OSBPL2: variants seen among roughly 807,000 people sequenced by gnomAD.
The protein encoded by OSBPL2 is oxysterol binding protein like 2.
A neutral mutation model predicts 58.4 loss-of-function variants in OSBPL2; 18 were observed. The ratio of observed to expected loss-of-function variants is 0.31; its 90% CI spans 0.21 to 0.46. The LOEUF (loss-of-function observed/expected upper bound fraction) is 0.46, where lower values mean the gene tolerates loss of function less well. Among genes scored for constraint, OSBPL2 ranks in the 20% least tolerant of loss-of-function variants. The pLI, the probability that OSBPL2 is intolerant of heterozygous loss-of-function variation, is 1.00. For missense variants in OSBPL2, 461 were observed against 616.5 expected, an observed-to-expected ratio of 0.75 and a Z score of 2.67; for synonymous variants, 221 against 234.1, an observed-to-expected ratio of 0.94 and a Z score of 0.51.
chr20:62,280,572 G>GC (rs1276156080), intron 7 of OSBPL2, among the ~76,000 whole-genome samples: 8 of 152,244 alleles, frequency 5.3e-5, no homozygotes, highest in Non-Finnish European at 7.3e-5. Context: ...CTGATCTGCT[G>GC]CCTCACATTG....
chr20:62,281,429 G>C (rs944234690), intron 8 of OSBPL2: 3 of 522,478 alleles, frequency 5.7e-6, no homozygotes, highest in African/African-American at 1.9e-5. Context: ...GTCATTGCCA[G>C]GTGCAGCGCA....
rs935906863 is a variant in OSBPL2, at chr20:62,284,722, C to T, written c.996+553C>T. The T allele has an allele frequency of 2.0e-5, 3 of 152,752 alleles. No homozygotes were observed. The East Asian group carries it at 5.8e-4, about 29-fold the overall frequency. 9.5% of individuals were successfully genotyped at this position (152,752 alleles called of 1,614,324 possible). A position where few individuals can be genotyped will look rare whatever the true frequency, so the allele number is the denominator to read the frequency against. ...TTGCACGGAGGCTGCTGCTATAAAC[C>T]GTGGGCACCAGTGCCCACGAGTCAT... is the stretch of plus-strand genomic sequence containing the variant. On this transcript the variant is annotated intron_variant, in intron 10 of 13. Coordinates refer to ENST00000313733, the MANE Select transcript of OSBPL2 (RefSeq NM_144498.4).
At chr20:62,240,714 G>A (rs774716266) in intron 1 of OSBPL2, among the ~76,000 whole-genome samples, 3 of 152,150 alleles carry the variant, frequency 2.0e-5, no homozygotes, top group Non-Finnish European at 4.4e-5. Context: ...TCAGAATTTC[G>A]GGATTTTGCT....
chr20:62,295,585 A>G lies in OSBPL2; in HGVS notation c.*1698A>G, dbSNP rs902662791. ...CTATGAGCTCCGTACCAGCCACTCAAAAGTGTCTGAACAGAACCGCTCCGT... is the reference window on the plus strand; with the variant it reads ...CTATGAGCTCCGTACCAGCCACTCAGAAGTGTCTGAACAGAACCGCTCCGT... On this transcript the variant is annotated 3_prime_UTR_variant, in exon 14 of 14. Transcript: ENST00000313733. This position sits in a 1 kb window ranked among gnomAD's most constrained non-coding sequence, Gnocchi z 4.8. The G allele has an allele frequency of 1.8e-4, 27 of 152,262 alleles. No individual in the cohort carries two copies. Among genetic ancestry groups the G allele is most frequent in the African/African-American group, 5.5e-4 (23 of 41,542 alleles). 9.4% of individuals were successfully genotyped at this position (152,262 alleles called of 1,614,324 possible).
At chr20:62,266,005 C>A (rs1013403078) in intron 4 of OSBPL2, among the ~76,000 whole-genome samples, 2 of 152,126 alleles carry the variant, frequency 1.3e-5, no homozygotes, top group African/African-American at 2.4e-5. Context: ...TGTCTGTCAT[C>A]CAGTTACTGG....
intron 2 of OSBPL2, among the ~76,000 whole-genome samples, chr20:62,259,482 C>G (rs1260106950): frequency 6.6e-6 from 1 of 152,172 alleles, no homozygotes; most frequent in Non-Finnish European, 1.5e-5. Context: ...TGTTCCCTAT[C>G]TGGGTACAGT....
intron 4 of OSBPL2, among the ~76,000 whole-genome samples, chr20:62,268,153 T>G (rs1412198777): frequency 6.8e-6 from 1 of 148,036 alleles, no homozygotes; most frequent in Non-Finnish European, 1.5e-5. Context: ...CACCTCGGCC[T>G]CCCAAAGTGT....
Position 62,261,351 on chromosome 20 carries a change from A to G in OSBPL2, c.182+1226A>G, listed in dbSNP as rs139435657. 4.5e-3 allele frequency among the ~76,000 whole-genome samples: 673 copies of G among 149,186 alleles called. 3 individuals carry two copies. The highest frequency in any genetic ancestry group is 0.011 in the Middle Eastern group (3 of 276). ...AAAAAAAAAAAGGCACAAAGGCAGG[A>G]CAAGTGTCAGGTGGGACAGGCAGTG... On this transcript the variant is annotated intron_variant, in intron 3 of 13. Coordinates refer to ENST00000313733, the MANE Select transcript of OSBPL2 (RefSeq NM_144498.4).
rs1296130388 is a variant in OSBPL2, at chr20:62,294,689, C to T, written c.*802C>T. 1 of 152,252 alleles carries T rather than the reference C, an allele frequency of 6.6e-6. No homozygotes were observed. Among genetic ancestry groups the T allele is most frequent in the Non-Finnish European group, 1.5e-5 (1 of 68,042 alleles). 9.4% of individuals were successfully genotyped at this position (152,252 alleles called of 1,614,324 possible). ...CCTGTTGTCAGTGAGGCCTGGCTGTCACCGCACACCGCGTCCGTGTCTCCA... is the reference window on the plus strand; with the variant it reads ...CCTGTTGTCAGTGAGGCCTGGCTGTTACCGCACACCGCGTCCGTGTCTCCA... On this transcript the variant is annotated 3_prime_UTR_variant, in exon 14 of 14. Coordinates refer to ENST00000313733, the MANE Select transcript of OSBPL2 (RefSeq NM_144498.4).
At chr20:62,281,760 A>G (rs1304257653) in intron 8 of OSBPL2, 30 bp from the exon 9 acceptor site, 1 of 1,530,962 alleles carries the variant, frequency 6.5e-7, no homozygotes, top group Non-Finnish European at 9.0e-7. Flanking sequence ...GCTGTCTTGC[A>G]GCAGAAACCT....
At chr20:62,281,742 G>C in intron 8 of OSBPL2, 48 bp from the exon 9 acceptor site, 1 of 1,424,390 alleles carries the variant, frequency 7.0e-7, no homozygotes, top group Non-Finnish European at 9.9e-7. Context: ...TACCCTTTCC[G>C]GCTGTTTGCT....
rs1443109641 is a variant in OSBPL2 at position 62,288,286 on chromosome 20, C to T, written c.1126-921C>T. ...GCTTGCTGAGATGCTGTGAGGGCAG[C>T]AACAGAAGAGGGAGGACACGGGTGG... On this transcript the variant is annotated intron_variant, in intron 11 of 13. Coordinates refer to ENST00000313733, the MANE Select transcript of OSBPL2 (RefSeq NM_144498.4). The surrounding 1 kb of genome is among the most constrained non-coding windows in gnomAD (Gnocchi z 4.8). Among the ~76,000 whole-genome samples the T allele has an allele frequency of 1.3e-5, 2 of 152,132 alleles. No individual in the cohort carries two copies. Among genetic ancestry groups the T allele is most frequent in the African/African-American group, 2.4e-5 (1 of 41,408 alleles).
At chr20:62,279,585 G>A in intron 7 of OSBPL2, 1 of 547,360 alleles carries the variant, frequency 1.8e-6, no homozygotes, top group East Asian at 3.1e-5. Context: ...TGTATGACCA[G>A]GGTCCCATGT....
chr20:62,267,279 T>A (rs947407895), intron 4 of OSBPL2, among the ~76,000 whole-genome samples: 1 of 152,222 alleles, frequency 6.6e-6, no homozygotes, highest in Non-Finnish European at 1.5e-5. Flanking sequence ...GCTCAGAGTC[T>A]GGGTCCACTA....
intron 9 of OSBPL2, 36 bp from the exon 10 acceptor site, chr20:62,284,010 C>G: frequency 6.3e-7 from 1 of 1,597,394 alleles, no homozygotes; most frequent in Non-Finnish European, 8.6e-7. Flanking sequence ...TTTGTAATGA[C>G]TAAGACTTGT....
In OSBPL2 at chr20:62,279,225, C is replaced by G; in HGVS notation, c.560C>G (p.Ser187Trp). The G allele has an allele frequency of 6.2e-7, 1 of 1,614,196 alleles. No homozygotes were observed. Among genetic ancestry groups the G allele is most frequent in the Non-Finnish European group, 8.5e-7 (1 of 1,179,990 alleles). ...SHHPPISAFH[S>W]EGLNHDFLFH... The stretch of plus-strand genomic sequence containing the variant: ...CACCCCCCCATCAGTGCGTTCCACT[C>G]GGAAGGTCTCAACCATGACTTCCTG... Residue 187 changes from serine to tryptophan, a missense_variant, in exon 7 of 14, where the codon TCG becomes TGG. Coordinates refer to ENST00000313733, the MANE Select transcript of OSBPL2 (RefSeq NM_144498.4).
chr20:62,253,792 T>C (rs931790083), intron 1 of OSBPL2, among the ~76,000 whole-genome samples: 4 of 151,378 alleles, frequency 2.6e-5, no homozygotes, highest in African/African-American at 9.7e-5. Flanking sequence ...CTTTTATTTA[T>C]TTATTTATTT....
intron 8 of OSBPL2, 97 bp from the exon 9 acceptor site, chr20:62,281,693 G>GC: frequency 1.2e-6 from 1 of 848,604 alleles, no homozygotes; most frequent in Non-Finnish European, 2.0e-6. Context: ...CCCCCCGCCT[G>GC]CCCCAGGGGC....
chr20:62,293,995 A>ACT lies in OSBPL2; in HGVS notation c.*108_*109insCT. 1 of 1,417,542 alleles carries ACT rather than the reference A, an allele frequency of 7.1e-7. No homozygotes were observed. The allele number at this position is 1,417,542 out of a possible 1,614,324, so 87.8% of individuals were successfully genotyped here. A position where few individuals can be genotyped will look rare whatever the true frequency, so the allele number is the denominator to read the frequency against. ...CAGAAACCAACTTTTCTAACGACTGAGTTCGCGGAGATAGCATCATCCCTG... is the reference window on the plus strand; with the variant it reads ...CAGAAACCAACTTTTCTAACGACTGACTGTTCGCGGAGATAGCATCATCCCTG... On this transcript the variant is annotated 3_prime_UTR_variant, in exon 14 of 14. Transcript: ENST00000313733.
Sources: allele counts gnomAD v4.1 joint callset (sites outside exome capture counted in the v4.1 genomes callset), GRCh38; gene constraint gnomAD v4.1.1; non-coding constraint Gnocchi (gnomAD v3.1); transcripts MANE v1.5; gene names NCBI Gene and HGNC (gene_info 2026-07-23, HGNC 2026-07-21).